HBS1L: variants seen among roughly 807,000 people sequenced by gnomAD.
HBS1L encodes the protein HBS1-like protein.
In HBS1L, 55 loss-of-function variants were observed where a neutral mutation model predicts 88.9. That is an observed-to-expected ratio of 0.62 (90% CI 0.50 to 0.77). The LOEUF is 0.77. HBS1L is among the 30% of genes least tolerant of loss of function. The pLI, the probability that HBS1L is intolerant of heterozygous loss-of-function variation, is 0.00. For synonymous variants in HBS1L, 267 were observed against 288.5 expected (o/e 0.93, Z 0.76); for missense variants, 741 against 829.3 (o/e 0.89, Z 1.31).
In HBS1L at chr6:135,036,942, A is replaced by C. The variant is rs1310764756; in HGVS notation, c.430+2631T>G. 3 of 1,551,528 alleles carry C rather than the reference A, an allele frequency of 1.9e-6. No individual in the cohort carries two copies. In the Admixed American group the frequency reaches 5.9e-5, roughly 30 times the overall value. ...ATGGAGCAATGGATGGGTCTACTAC[A>C]GGCTTTGGAACAAAATCTGGGTTTT... On this transcript the variant is annotated intron_variant, in intron 4 of 17. Coordinates refer to ENST00000367837, the MANE Select transcript of HBS1L (RefSeq NM_006620.4).
intron 4 of HBS1L, among the ~76,000 whole-genome samples, chr6:135,038,388 T>G (rs1263934014): frequency 6.6e-6 from 1 of 152,000 alleles, no homozygotes; most frequent in Non-Finnish European, 1.5e-5. Context: ...CAAAAAAAAC[T>G]AGGTTCCTTT....
At chr6:135,004,021 T>C (rs985039478) in intron 4 of HBS1L, among the ~76,000 whole-genome samples, 1 of 152,128 alleles carries the variant, frequency 6.6e-6, no homozygotes, top group African/African-American at 2.4e-5. Context: ...TCAGAAAAAG[T>C]ACCACCAGGA....
chr6:135,035,498 T>C (rs901801734), intron 4 of HBS1L, among the ~76,000 whole-genome samples: 1 of 150,856 alleles, frequency 6.6e-6, no homozygotes, highest in Admixed American at 6.6e-5. Flanking sequence ...CTCAGCACTT[T>C]GGGAGGCCAA....
chr6:135,012,150 C>T (rs1021477968), intron 4 of HBS1L, among the ~76,000 whole-genome samples: 2 of 151,794 alleles, frequency 1.3e-5, no homozygotes, highest in African/African-American at 4.8e-5. Flanking sequence ...TATGTAATGA[C>T]AAAAAATTGT....
chr6:134,998,357 T>G (rs1360290012), intron 5 of HBS1L, among the ~76,000 whole-genome samples: 1 of 152,178 alleles, frequency 6.6e-6, no homozygotes, highest in Admixed American at 6.5e-5. Context: ...TTAACAAAAG[T>G]AAACACTGAT....
intron 7 of HBS1L, among the ~76,000 whole-genome samples, chr6:134,995,268 G>A (rs1331725661): frequency 6.6e-6 from 1 of 152,068 alleles, no homozygotes; most frequent in Non-Finnish European, 1.5e-5. Context: ...GAGAAGACCA[G>A]GGGATTTACA....
At chr6:135,041,325 T>C (rs892558962) in intron 3 of HBS1L, among the ~76,000 whole-genome samples, 1 of 151,862 alleles carries the variant, frequency 6.6e-6, no homozygotes, top group African/African-American at 2.4e-5. Context: ...TGTAACAAAA[T>C]AGTATAGCTA....
At chr6:134,972,713 A>T (rs568123325) in intron 15 of HBS1L, among the ~76,000 whole-genome samples, 17 of 152,222 alleles carry the variant, frequency 1.1e-4, no homozygotes, top group Non-Finnish European at 2.5e-4. Context: ...GGATGATATT[A>T]AGAACTTCTA....
At chr6:134,998,731 T>C (rs1775361206) in intron 5 of HBS1L, among the ~76,000 whole-genome samples, 1 of 152,218 alleles carries the variant, frequency 6.6e-6, no homozygotes, top group South Asian at 2.1e-4. Context: ...TGCCCAACAT[T>C]AGCCCTTCAC....
rs148151410 is a variant in HBS1L at position 135,030,866 on chromosome 6, C to G, written c.430+8707G>C. 5.0e-4 allele frequency among the ~76,000 whole-genome samples: 76 copies of G among 151,290 alleles called. 1 individual carries two copies. The highest frequency in any genetic ancestry group is 1.7e-3 in the African/African-American group (72 of 41,564). On this transcript the variant is annotated intron_variant, in intron 4 of 17. Coordinates refer to ENST00000367837, the MANE Select transcript of HBS1L (RefSeq NM_006620.4). ...CAATTTACTTGTAATCCCAAAATCA[C>G]TACTCACTTTTGCAATCACTTGTGG...
chr6:134,974,018 A>AAT (rs975974900), intron 15 of HBS1L, among the ~76,000 whole-genome samples: 1 of 152,050 alleles, frequency 6.6e-6, no homozygotes, highest in Non-Finnish European at 1.5e-5. Flanking sequence ...CCTCTTAAAA[A>AAT]ATATAGAGTA....
chr6:134,982,585 A>G (rs1774862723), intron 12 of HBS1L, 23 bp from the exon 13 acceptor site: 1 of 1,374,462 alleles, frequency 7.3e-7, no homozygotes, highest in Non-Finnish European at 1.0e-6. Flanking sequence ...CCAAAATCTT[A>G]TGGTTCATAC....
At chr6:135,028,805 A>AT (rs1194411208) in intron 4 of HBS1L, among the ~76,000 whole-genome samples, 2 of 152,128 alleles carry the variant, frequency 1.3e-5, no homozygotes, top group African/African-American at 4.8e-5. Context: ...TGGAGACAGT[A>AT]TTTTTTTCCT....
At chr6:134,978,359 A>G (rs532527339) in intron 15 of HBS1L, among the ~76,000 whole-genome samples, 1 of 152,112 alleles carries the variant, frequency 6.6e-6, no homozygotes, top group African/African-American at 2.4e-5. Flanking sequence ...ACTAAGAAAA[A>G]CTTAGAAGTA....
Position 135,040,062 on chromosome 6 carries a change from T to C in HBS1L, c.236-295A>G, listed in dbSNP as rs547485926. On this transcript the variant is annotated intron_variant, in intron 3 of 17. Coordinates refer to ENST00000367837, the MANE Select transcript of HBS1L (RefSeq NM_006620.4). The stretch of plus-strand genomic sequence containing the variant: ...AGTATACACTAATATCTATTTTCAG[T>C]CACCAGTGATGATGGTATCTGCAAT... 2.0e-5 allele frequency among the ~76,000 whole-genome samples: 3 copies of C among 152,352 alleles called. No individual in the cohort carries two copies. The East Asian group carries it at 5.8e-4, about 29-fold the overall frequency.
intron 4 of HBS1L, chr6:135,037,016 C>G: frequency 6.4e-7 from 1 of 1,551,524 alleles, no homozygotes; most frequent in Non-Finnish European, 8.7e-7. Flanking sequence ...GGAGACCTCA[C>G]TTCAGATAAA....
At chr6:134,977,017 T>G (rs375654574) in intron 15 of HBS1L, among the ~76,000 whole-genome samples, 3 of 152,086 alleles carry the variant, frequency 2.0e-5, no homozygotes, top group African/African-American at 7.2e-5. Context: ...TTATGTAGTA[T>G]TATGGCATTA....
intron 4 of HBS1L, among the ~76,000 whole-genome samples, chr6:135,004,132 T>C (rs1406735763): frequency 6.6e-6 from 1 of 152,066 alleles, no homozygotes; most frequent in South Asian, 2.1e-4. Context: ...ATGTATAAAA[T>C]TCATTTAAAA....
chr6:135,052,981 A>G (rs1027194160), intron 1 of HBS1L, among the ~76,000 whole-genome samples: 2 of 152,236 alleles, frequency 1.3e-5, no homozygotes, highest in African/African-American at 4.8e-5. Flanking sequence ...CTAACTGGGA[A>G]GAAGAGAAAT....
Sources: gnomAD v4.1 joint callset for allele counts (sites outside exome capture counted in the v4.1 genomes callset) on GRCh38, gnomAD v4.1.1 for gene constraint, MANE v1.5 for transcripts, NCBI Gene and HGNC (gene_info 2026-07-23, HGNC 2026-07-21) for gene names.